KPNA7: variants seen among roughly 807,000 people sequenced by gnomAD.
KPNA7 encodes karyopherin subunit alpha 7.
Under a neutral mutation model 53.7 loss-of-function variants are expected in KPNA7, and 54 were observed. That is an observed-to-expected ratio of 1.01 (90% CI 0.81 to 1.26). KPNA7 has a LOEUF of 1.26. Ranked by LOEUF, KPNA7 falls within the 50% of genes most tolerant of loss-of-function variation. KPNA7 has a pLI of 0.00. For missense variants in KPNA7, 640 were observed against 644.5 expected, an observed-to-expected ratio of 0.99 and a Z score of 0.07; for synonymous variants, 276 against 259.3, an observed-to-expected ratio of 1.06 and a Z score of -0.62.
At chr7:99,204,564 T>C (rs1453279670) in intron 2 of KPNA7, among the ~76,000 whole-genome samples, 1 of 152,202 alleles carries the variant, frequency 6.6e-6, no homozygotes, top group Non-Finnish European at 1.5e-5. Context: ...TTCTTTAAGC[T>C]ACTTAATTCT....
intron 9 of KPNA7, among the ~76,000 whole-genome samples, chr7:99,181,478 C>T (rs1017441239): frequency 2.0e-5 from 3 of 152,178 alleles, no homozygotes; most frequent in Admixed American, 6.5e-5. Flanking sequence ...TTCGAGATGG[C>T]TCTTTTTGTG....
chr7:99,150,572 G>A, the KPNA7 span, among the ~76,000 whole-genome samples: 166 of 151,924 alleles, frequency 1.1e-3, no homozygotes, highest in Non-Finnish European at 1.9e-3. Flanking sequence ...GCACCACTAC[G>A]CCTGGCTAAT....
intron 2 of KPNA7, among the ~76,000 whole-genome samples, chr7:99,206,839 CTTTGA>C (rs1352046473): frequency 6.6e-6 from 1 of 152,118 alleles, no homozygotes; most frequent in Admixed American, 6.6e-5. Flanking sequence ...TCCACGGAAA[CTTTGA>C]TTTGATTCCA....
chr7:99,197,053 AAC>A (rs1563082725), intron 3 of KPNA7, among the ~76,000 whole-genome samples: 3 of 149,014 alleles, frequency 2.0e-5, no homozygotes, highest in African/African-American at 7.5e-5. Context: ...ACAACAACAA[AAC>A]TAAGACCCTC....
chr7:99,177,060 C>A (rs1430106442), intron 10 of KPNA7, among the ~76,000 whole-genome samples: 2 of 152,134 alleles, frequency 1.3e-5, no homozygotes, highest in Non-Finnish European at 2.9e-5. Flanking sequence ...GGAAAGCAAT[C>A]CTGACATGCT....
the KPNA7 span, among the ~76,000 whole-genome samples, chr7:99,155,034 A>G: frequency 6.4e-3 from 979 of 152,170 alleles, 12 homozygotes; most frequent in African/African-American, 0.022. Context: ...GTTTATATAT[A>G]TGTGTATATT....
downstream of KPNA7, among the ~76,000 whole-genome samples, chr7:99,172,384 T>C (rs1170601051): frequency 6.6e-6 from 1 of 152,158 alleles, no homozygotes; most frequent in African/African-American, 2.4e-5. Context: ...TTCATTTAAG[T>C]TATAAAAATT....
chr7:99,207,512 G>C, intron 1 of KPNA7, 23 bp from the exon 2 acceptor site: 1 of 1,207,982 alleles, frequency 8.3e-7, no homozygotes, highest in South Asian at 1.3e-5. Context: ...CAGCAACAAA[G>C]AAATTTTCAG....
At chr7:99,178,134 C>A (rs1207129377) in intron 9 of KPNA7, 68 bp from the exon 10 acceptor site, 6 of 1,429,972 alleles carry the variant, frequency 4.2e-6, no homozygotes, top group Non-Finnish European at 4.8e-6. Context: ...ACTCTGTCAG[C>A]CCTCAAGGGA....
At chr7:99,154,767 C>T in the KPNA7 span, among the ~76,000 whole-genome samples, 5 of 151,922 alleles carry the variant, frequency 3.3e-5, no homozygotes, top group East Asian at 5.8e-4. Flanking sequence ...CCTCATGAAC[C>T]GCCCACCTCA....
chr7:99,197,510 G>A (rs999051647), intron 3 of KPNA7, among the ~76,000 whole-genome samples: 1 of 152,274 alleles, frequency 6.6e-6, no homozygotes, highest in East Asian at 1.9e-4. Flanking sequence ...AGTCCCTGAG[G>A]AGACCAGATG....
Position 99,183,454 on chromosome 7 carries a change from C to T in KPNA7, c.1135-1389G>A, listed in dbSNP as rs567200115. The stretch of plus-strand genomic sequence containing the variant: ...CAAGCAAGTTATAGTTCAAAAGATA[C>T]CACTTGAAATATAAATGTCCTTTGA... On this transcript the variant is annotated intron_variant, in intron 8 of 10. Transcript: ENST00000327442. 2.1e-4 allele frequency among the ~76,000 whole-genome samples: 32 copies of T among 152,240 alleles called. 1 individual carries two copies. In the South Asian group the frequency reaches 5.6e-3, roughly 27 times the overall value.
At chr7:99,191,177 G>A (rs996599027) in intron 6 of KPNA7, among the ~76,000 whole-genome samples, 1 of 114,328 alleles carries the variant, frequency 8.7e-6, no homozygotes, top group African/African-American at 3.3e-5. Context: ...TTTTTTTTTT[G>A]AGATGGAGTC....
At chr7:99,175,211 T>C (rs939437137) in intron 10 of KPNA7, among the ~76,000 whole-genome samples, 1 of 151,372 alleles carries the variant, frequency 6.6e-6, no homozygotes, top group African/African-American at 2.5e-5. Flanking sequence ...GAGAGCATTT[T>C]TTTTCTATTT....
At chr7:99,187,208 T>C (rs1789639209) in intron 7 of KPNA7, among the ~76,000 whole-genome samples, 1 of 152,094 alleles carries the variant, frequency 6.6e-6, no homozygotes, top group East Asian at 1.9e-4. Context: ...GAGAATTGCT[T>C]GAAGTCGGGA....
At chr7:99,175,115 GCTT>G (rs997039162) in intron 10 of KPNA7, among the ~76,000 whole-genome samples, 5 of 151,972 alleles carry the variant, frequency 3.3e-5, no homozygotes, top group African/African-American at 4.8e-5. Context: ...ACCCAGCTGA[GCTT>G]CTTATTTATG....
chr7:99,166,076 C>T, the KPNA7 span, among the ~76,000 whole-genome samples: 1 of 152,088 alleles, frequency 6.6e-6, no homozygotes, highest in African/African-American at 2.4e-5. Context: ...CACCTTCTGC[C>T]ATGATTGAAA....
chr7:99,188,089 C>T (rs1789714159), intron 7 of KPNA7, among the ~76,000 whole-genome samples: 3 of 144,066 alleles, frequency 2.1e-5, no homozygotes, highest in Non-Finnish European at 3.0e-5. Flanking sequence ...ATAGGAGAAT[C>T]GCTTGAACCT....
intron 10 of KPNA7, among the ~76,000 whole-genome samples, chr7:99,175,517 A>T (rs1432545850): frequency 7.4e-6 from 1 of 135,518 alleles, no homozygotes; most frequent in Admixed American, 7.6e-5. Context: ...TTATTTATTT[A>T]TTTATTATTT....
Sources: allele counts gnomAD v4.1 joint callset (sites outside exome capture counted in the v4.1 genomes callset), GRCh38; gene constraint gnomAD v4.1.1; transcripts MANE v1.5; gene names NCBI Gene and HGNC (gene_info 2026-07-23, HGNC 2026-07-21).